Variants in DNAH14 observed in about 807,000 individuals in gnomAD.
DNAH14 encodes the protein axonemal beta dynein heavy chain 14.
Under a neutral mutation model 520.9 loss-of-function variants are expected in DNAH14, and 478 were observed. The observed-to-expected ratio is 0.92, with a 90% CI of 0.85 to 0.99. The LOEUF is 0.99. DNAH14 is among the 50% of genes least tolerant of loss of function. DNAH14 has a pLI of 0.00. For synonymous variants in DNAH14, 1,581 were observed against 1,757.2 expected, an observed-to-expected ratio of 0.90 and a Z score of 2.51; for missense variants, 4,831 against 5,234.5, an observed-to-expected ratio of 0.92 and a Z score of 2.38.
intron 26 of DNAH14, among the ~76,000 whole-genome samples, chr1:225,119,816 T>G (rs2077154267): frequency 6.6e-6 from 1 of 152,234 alleles, no homozygotes; most frequent in African/African-American, 2.4e-5. Flanking sequence ...GTATTTCTAA[T>G]TATTCATTGT....
Position 224,929,782 on chromosome 1 carries a change from A to G in DNAH14, c.-87A>G. On this transcript the variant is annotated 5_prime_UTR_variant, in exon 1 of 86. Coordinates refer to ENST00000682510, the MANE Select transcript of DNAH14 (RefSeq NM_001367479.1). ...GCGCTCGCCGGCGTGGGCGGGCCGG[A>G]CCTTCGCCGCTTCCAGGAAGGGCCA... is the stretch of plus-strand genomic sequence containing the variant. The G allele has an allele frequency of 2.9e-6, 2 of 700,832 alleles. No individual in the cohort carries two copies. Among genetic ancestry groups the G allele is most frequent in the Non-Finnish European group, 2.6e-6 (1 of 383,800 alleles). The allele number at this position is 700,832 out of a possible 1,614,324, so 43.4% of individuals were successfully genotyped here.
chr1:225,087,219 T>C (rs2073921617), intron 21 of DNAH14, among the ~76,000 whole-genome samples: 1 of 152,244 alleles, frequency 6.6e-6, no homozygotes, highest in South Asian at 2.1e-4. Context: ...CCAGGGCCTT[T>C]GTGCTACATT....
chr1:225,134,294 GT>G (rs1559064757), intron 27 of DNAH14, among the ~76,000 whole-genome samples: 1 of 152,056 alleles, frequency 6.6e-6, no homozygotes, highest in Non-Finnish European at 1.5e-5. Context: ...GGGCATCCTT[GT>G]TTTATGCCAG....
chr1:225,158,577 A>G (rs563779401), intron 34 of DNAH14, among the ~76,000 whole-genome samples: 1 of 152,118 alleles, frequency 6.6e-6, no homozygotes, highest in Non-Finnish European at 1.5e-5. Flanking sequence ...ACTGCCATAC[A>G]CTGATTGACT....
chr1:225,285,530 G>A (rs2093719271), intron 54 of DNAH14, among the ~76,000 whole-genome samples: 1 of 151,940 alleles, frequency 6.6e-6, no homozygotes, highest in South Asian at 2.1e-4. Context: ...GGGTGATAGA[G>A]CGAGACTCTG....
intron 17 of DNAH14, among the ~76,000 whole-genome samples, chr1:225,073,263 C>T (rs1558866012): frequency 6.6e-6 from 1 of 152,062 alleles, no homozygotes; most frequent in East Asian, 1.9e-4. Flanking sequence ...TACCCCCAGT[C>T]AGCTGGGGCT....
intron 8 of DNAH14, among the ~76,000 whole-genome samples, chr1:224,976,892 A>G (rs943712524): frequency 2.6e-5 from 4 of 151,488 alleles, no homozygotes; most frequent in African/African-American, 9.7e-5. Flanking sequence ...TGTTGGTGGG[A>G]CTGTAAACTA....
At chr1:225,361,363 A>G (rs1335292206) in intron 75 of DNAH14, among the ~76,000 whole-genome samples, 2 of 152,226 alleles carry the variant, frequency 1.3e-5, no homozygotes, top group African/African-American at 4.8e-5. Context: ...CAAAGCACTT[A>G]GTCACTCATG....
At chr1:225,115,386 A>G (rs1206925655) in intron 23 of DNAH14, among the ~76,000 whole-genome samples, 1 of 152,274 alleles carries the variant, frequency 6.6e-6, no homozygotes, top group Non-Finnish European at 1.5e-5. Flanking sequence ...ATATATTTAT[A>G]CATTCTCAGA....
chr1:225,128,656 G>A (rs1214327312), intron 27 of DNAH14, among the ~76,000 whole-genome samples: 4 of 150,824 alleles, frequency 2.7e-5, no homozygotes, highest in African/African-American at 7.4e-5. Flanking sequence ...AGGTATTGAT[G>A]GGACGTATCT....
intron 76 of DNAH14, 106 bp downstream of exon 76, chr1:225,365,000 T>A (rs759999764): frequency 7.3e-6 from 6 of 825,052 alleles, no homozygotes; most frequent in Non-Finnish European, 1.1e-5. Flanking sequence ...CTAATTCTGA[T>A]AAATTCTGAA....
chr1:225,163,987 G>A (rs1413852092), intron 35 of DNAH14, among the ~76,000 whole-genome samples: 3 of 152,030 alleles, frequency 2.0e-5, no homozygotes, highest in African/African-American at 7.2e-5. Flanking sequence ...AGTGTTTAAT[G>A]TATGCTAAAA....
chr1:225,247,582 T>A (rs1291725125), intron 43 of DNAH14, among the ~76,000 whole-genome samples: 2 of 152,126 alleles, frequency 1.3e-5, no homozygotes, highest in Non-Finnish European at 2.9e-5. Flanking sequence ...GAAGCAACAT[T>A]TGACGATATA....
intron 8 of DNAH14, among the ~76,000 whole-genome samples, chr1:224,987,048 A>C (rs2062692205): frequency 6.6e-6 from 1 of 152,206 alleles, no homozygotes; most frequent in South Asian, 2.1e-4. Flanking sequence ...AAATAATCTG[A>C]AAAAGAAATC....
Position 225,159,284 on chromosome 1 carries a change from C to A in DNAH14, c.5274-30C>A. On this transcript the variant is annotated intron_variant, in intron 34 of 85. Transcript: ENST00000682510. ...TGCAGAGCAGACTCCCTAATTTGTT[C>A]TCTGTGTTTGTTTTCTTCTACCATT... 2.6e-6 allele frequency: 4 copies of A among 1,534,140 alleles called. No individual in the cohort carries two copies. In the South Asian group the frequency reaches 4.9e-5, roughly 19 times the overall value.
At chr1:225,061,140 C>T (rs1398684748) in intron 17 of DNAH14, among the ~76,000 whole-genome samples, 1 of 152,200 alleles carries the variant, frequency 6.6e-6, no homozygotes, top group East Asian at 1.9e-4. Context: ...GGCAGCCCTC[C>T]TTGAGCTGTG....
chr1:225,342,627 G>A (rs1463053115), intron 69 of DNAH14, among the ~76,000 whole-genome samples: 1 of 150,684 alleles, frequency 6.6e-6, no homozygotes, highest in Non-Finnish European at 1.5e-5. Context: ...TGCCAGTAAA[G>A]GTAAATTTAC....
chr1:225,222,192 A>G (rs1202590941), intron 41 of DNAH14, among the ~76,000 whole-genome samples: 2 of 152,194 alleles, frequency 1.3e-5, no homozygotes, highest in Non-Finnish European at 2.9e-5. Context: ...AATGAAGGTA[A>G]AGAGACTGCG....
chr1:225,335,186 T>C (rs972267344), intron 66 of DNAH14, among the ~76,000 whole-genome samples: 13 of 142,976 alleles, frequency 9.1e-5, no homozygotes, highest in Non-Finnish European at 2.1e-4. Context: ...TGTGCGCATG[T>C]GTGTATATAT....
Sources: gnomAD v4.1 joint callset for allele counts (sites outside exome capture counted in the v4.1 genomes callset) on GRCh38, gnomAD v4.1.1 for gene constraint, MANE v1.5 for transcripts, NCBI Gene and HGNC (gene_info 2026-07-23, HGNC 2026-07-21) for gene names.